MCU: variants seen among roughly 807,000 people sequenced by gnomAD.
The protein encoded by MCU is calcium uniporter protein, mitochondrial.
MCU carries 12 observed loss-of-function variants against 45.2 expected under a neutral mutation model. That is an observed-to-expected ratio of 0.27 (90% CI 0.17 to 0.43). The LOEUF (loss-of-function observed/expected upper bound fraction) is 0.43. Ranked by LOEUF, MCU falls within the 20% of genes least tolerant of loss-of-function variation. The probability of loss-of-function intolerance (pLI) is 1.00; values close to 1 mark genes in which losing one functional copy is unlikely to be tolerated. For synonymous variants in MCU, 160 were observed against 165.1 expected, an observed-to-expected ratio of 0.97 and a Z score of 0.24; for missense variants, 324 against 436.7, an observed-to-expected ratio of 0.74 and a Z score of 2.30.
intron 1 of MCU, among the ~76,000 whole-genome samples, chr10:72,705,298 T>A (rs1226669727): frequency 6.6e-6 from 1 of 152,244 alleles, no homozygotes; most frequent in Non-Finnish European, 1.5e-5. Flanking sequence ...AAAAATCAGA[T>A]GGCTACCTTA....
chr10:72,692,373 G>A, intron 1 of MCU, 72 bp downstream of exon 1: 1 of 1,098,390 alleles, frequency 9.1e-7, no homozygotes, highest in Non-Finnish European at 1.1e-6. Context: ...CGGCGGGCAG[G>A]CCGCCGGGGC....
intron 1 of MCU, among the ~76,000 whole-genome samples, chr10:72,694,269 A>G (rs991647021): frequency 5.9e-5 from 9 of 152,174 alleles, no homozygotes; most frequent in Admixed American, 3.9e-4. Flanking sequence ...AGCTGTTTCC[A>G]TAGGATAGTC....
rs1435890480 is a variant in MCU at position 72,704,704 on chromosome 10, A to ACTTTTTTTTTTTTTTTTTTTT, written c.150+12403_150+12404insCTTTTTTTTTTTTTTTTTTTT. ...AGGCATGCACTGTCATGCCTGGATA[A>ACTTTTTTTTTTTTTTTTTTTT]TTTTTTTTTTTTTTTTTTTTTTTTT... On this transcript the variant is annotated intron_variant, in intron 1 of 7. Coordinates refer to ENST00000373053, the MANE Select transcript of MCU (RefSeq NM_138357.3). 3.7e-5 allele frequency among the ~76,000 whole-genome samples: 4 copies of ACTTTTTTTTTTTTTTTTTTTT among 106,746 alleles called. 1 individual carries two copies. The highest frequency in any genetic ancestry group is 3.0e-4 in the South Asian group (1 of 3,340). The allele number at this position is 106,746 out of a possible 152,430, so 70.0% of individuals were successfully genotyped here.
intron 5 of MCU, 118 bp from the exon 6 acceptor site, chr10:72,871,259 T>C: frequency 1.1e-6 from 1 of 870,914 alleles, no homozygotes; most frequent in Non-Finnish European, 1.9e-6. Flanking sequence ...CTATATTTAC[T>C]AGAATTGAGA....
chr10:72,699,272 C>T (rs141822194), intron 1 of MCU, among the ~76,000 whole-genome samples: 3,653 of 151,942 alleles, frequency 0.024, 85 homozygotes, highest in South Asian at 0.12. Flanking sequence ...TTTGGGAGGC[C>T]GAGGCGGGCG....
chr10:72,802,931 A>C (rs890596187), intron 1 of MCU, among the ~76,000 whole-genome samples: 2 of 152,198 alleles, frequency 1.3e-5, no homozygotes, highest in African/African-American at 4.8e-5. Context: ...CAGTGGTTTC[A>C]TTCCCTGTAC....
intron 1 of MCU, among the ~76,000 whole-genome samples, chr10:72,772,357 G>A (rs1378090282): frequency 6.6e-6 from 1 of 152,194 alleles, no homozygotes; most frequent in Non-Finnish European, 1.5e-5. Context: ...TGAAAAGGAG[G>A]CAGTGACTTA....
At chr10:72,759,326 A>G (rs1843622383) in intron 1 of MCU, among the ~76,000 whole-genome samples, 1 of 152,178 alleles carries the variant, frequency 6.6e-6, no homozygotes, top group South Asian at 2.1e-4. Context: ...AGATCGGAAC[A>G]AAACAGGATA....
rs575212739 is a variant in MCU at position 72,812,389 on chromosome 10, G to A, written c.151-21970G>A. Among the ~76,000 whole-genome samples, 14 of 152,144 alleles carry A rather than the reference G, an allele frequency of 9.2e-5. No homozygotes were observed. In the East Asian group the frequency reaches 2.3e-3, roughly 25 times the overall value. ...TCGAACTCCTGAGCTCAGGTGATCC[G>A]CCCGCCTCGGCTTCCCAAAGTGCTG... On this transcript the variant is annotated intron_variant, in intron 1 of 7. Transcript: ENST00000373053.
At chr10:72,746,443 A>G (rs1219183977) in intron 1 of MCU, among the ~76,000 whole-genome samples, 1 of 152,212 alleles carries the variant, frequency 6.6e-6, no homozygotes, top group East Asian at 1.9e-4. Context: ...CTATGTAAAT[A>G]CTACCTCACT....
intron 1 of MCU, among the ~76,000 whole-genome samples, chr10:72,737,587 T>G (rs2132692193): frequency 6.6e-6 from 1 of 151,850 alleles, no homozygotes; most frequent in Non-Finnish European, 1.5e-5. Context: ...TGGTGCGATC[T>G]CAGCTCACTG....
At chr10:72,827,124 A>T (rs1183316572) in intron 1 of MCU, among the ~76,000 whole-genome samples, 5 of 152,188 alleles carry the variant, frequency 3.3e-5, no homozygotes, top group Admixed American at 2.6e-4. Flanking sequence ...GGGAATAGTT[A>T]GAGTTTCTGT....
chr10:72,804,129 C>T (rs539324631), intron 1 of MCU, among the ~76,000 whole-genome samples: 10 of 140,098 alleles, frequency 7.1e-5, no homozygotes, highest in African/African-American at 2.3e-4. Flanking sequence ...GTCTCTCACT[C>T]AAGCTGGAGT....
intron 1 of MCU, among the ~76,000 whole-genome samples, chr10:72,792,386 G>C (rs1844175245): frequency 6.6e-6 from 1 of 152,206 alleles, no homozygotes; most frequent in South Asian, 2.1e-4. Context: ...AGGAAGAGAA[G>C]CTTTGTTTAA....
intron 1 of MCU, among the ~76,000 whole-genome samples, chr10:72,803,028 C>CT (rs1277866258): frequency 6.6e-6 from 1 of 152,156 alleles, no homozygotes; most frequent in Non-Finnish European, 1.5e-5. Context: ...CGAAAATAGA[C>CT]TAATACTCCT....
At chr10:72,791,088 T>C (rs939265428) in intron 1 of MCU, among the ~76,000 whole-genome samples, 1 of 152,164 alleles carries the variant, frequency 6.6e-6, no homozygotes, top group African/African-American at 2.4e-5. Flanking sequence ...GGCAAACATA[T>C]ATTAAAATTT....
intron 2 of MCU, among the ~76,000 whole-genome samples, chr10:72,845,791 T>C (rs1298368096): frequency 6.6e-6 from 1 of 152,242 alleles, no homozygotes; most frequent in Non-Finnish European, 1.5e-5. Context: ...AGGAGTGTTT[T>C]TTTCTTTTTT....
chr10:72,783,874 A>G (rs1334668143), intron 1 of MCU, among the ~76,000 whole-genome samples: 1 of 152,136 alleles, frequency 6.6e-6, no homozygotes, highest in Admixed American at 6.5e-5. Context: ...ATTTCTTTTT[A>G]AAAAATTGTT....
chr10:72,798,189 C>T (rs1844280936), intron 1 of MCU, among the ~76,000 whole-genome samples: 1 of 152,026 alleles, frequency 6.6e-6, no homozygotes, highest in Non-Finnish European at 1.5e-5. Flanking sequence ...CTGTACATAA[C>T]ACGTAAAGGC....
Sources: allele counts gnomAD v4.1 joint callset (sites outside exome capture counted in the v4.1 genomes callset), GRCh38; gene constraint gnomAD v4.1.1; transcripts MANE v1.5; gene names NCBI Gene and HGNC (gene_info 2026-07-23, HGNC 2026-07-21).